The following GPC5 variants were observed in gnomAD, a reference collection of about 807,000 sequenced individuals.
GPC5 encodes the protein glypican 5, also known as glypican-5.
Under a neutral mutation model 53.9 loss-of-function variants are expected in GPC5, and 47 were observed. The observed-to-expected ratio is 0.87, with a 90% CI of 0.69 to 1.11. The LOEUF (loss-of-function observed/expected upper bound fraction) is 1.11. Ranked by LOEUF, GPC5 falls within the 50% of genes most tolerant of loss-of-function variation. The probability of loss-of-function intolerance (pLI) is 0.00; values close to 1 mark genes in which losing one functional copy is unlikely to be tolerated. For synonymous variants in GPC5, 286 were observed against 263.3 expected (o/e 1.09, Z -0.84); for missense variants, 748 against 713.1 (o/e 1.05, Z -0.56).
chr13:91,770,226 C>T (rs1212129278), intron 5 of GPC5, among the ~76,000 whole-genome samples: 1 of 152,192 alleles, frequency 6.6e-6, no homozygotes, highest in Non-Finnish European at 1.5e-5. Flanking sequence ...CAGGTCCTCT[C>T]TGGGCATGCC....
At chr13:91,762,236 G>T (rs1262276593) in intron 5 of GPC5, among the ~76,000 whole-genome samples, 1 of 151,680 alleles carries the variant, frequency 6.6e-6, no homozygotes, top group East Asian at 1.9e-4. Flanking sequence ...CTGAGAGTTT[G>T]TACTCTACCA....
intron 7 of GPC5, among the ~76,000 whole-genome samples, chr13:92,705,091 GATTAA>G (rs1231973075): frequency 6.6e-6 from 1 of 151,860 alleles, no homozygotes; most frequent in Admixed American, 6.6e-5. Flanking sequence ...GTGTTACTCT[GATTAA>G]ATTGAAAGCA....
At chr13:92,244,308 AC>A (rs1255648568) in intron 7 of GPC5, among the ~76,000 whole-genome samples, 2 of 152,148 alleles carry the variant, frequency 1.3e-5, no homozygotes, top group African/African-American at 4.8e-5. Flanking sequence ...AGAAGAGTAA[AC>A]TTTGCTAAAT....
intron 7 of GPC5, among the ~76,000 whole-genome samples, chr13:92,283,426 C>A (rs143964505): frequency 0.022 from 3,325 of 152,298 alleles, 57 homozygotes; most frequent in Non-Finnish European, 0.034. Flanking sequence ...CACCCCAAAT[C>A]AACAGAATAT....
chr13:92,007,955 C>G (rs1007866932), intron 6 of GPC5, among the ~76,000 whole-genome samples: 4 of 152,068 alleles, frequency 2.6e-5, no homozygotes, highest in African/African-American at 7.2e-5. Context: ...GGTGATTGTT[C>G]CCATAGCATT....
chr13:92,309,398 A>T (rs1398141260), intron 7 of GPC5, among the ~76,000 whole-genome samples: 1 of 152,052 alleles, frequency 6.6e-6, no homozygotes, highest in Admixed American at 6.5e-5. Flanking sequence ...CATATTAAAC[A>T]TATGGATTAT....
chr13:92,111,702 A>G (rs1353543288), intron 6 of GPC5, among the ~76,000 whole-genome samples: 1 of 152,214 alleles, frequency 6.6e-6, no homozygotes, highest in African/African-American at 2.4e-5. Flanking sequence ...CTTTTCCAAA[A>G]AAAAGGTGAT....
chr13:91,851,149 G>A (rs1354173963), intron 5 of GPC5, among the ~76,000 whole-genome samples: 2 of 152,104 alleles, frequency 1.3e-5, no homozygotes, highest in African/African-American at 2.4e-5. Context: ...ATGGAGATAA[G>A]TATTGTTTCT....
intron 3 of GPC5, among the ~76,000 whole-genome samples, chr13:91,710,647 G>A (rs1197081119): frequency 6.6e-6 from 1 of 152,116 alleles, no homozygotes; most frequent in Admixed American, 6.6e-5. Flanking sequence ...CTTCTCCACT[G>A]CATGTACTGT....
chr13:92,234,532 A>AT (rs1241600256), intron 7 of GPC5, among the ~76,000 whole-genome samples: 1 of 152,108 alleles, frequency 6.6e-6, no homozygotes, highest in African/African-American at 2.4e-5. Flanking sequence ...TTAGAGAGAG[A>AT]CACCAACAAT....
At chr13:92,747,118 G>A (rs1566398321) in intron 7 of GPC5, among the ~76,000 whole-genome samples, 2 of 152,142 alleles carry the variant, frequency 1.3e-5, no homozygotes, top group Non-Finnish European at 2.9e-5. Flanking sequence ...CCCATTGTTA[G>A]CCAAAGCGTC....
At chr13:92,317,755 C>A (rs1391783560) in intron 7 of GPC5, among the ~76,000 whole-genome samples, 2 of 152,172 alleles carry the variant, frequency 1.3e-5, no homozygotes, top group Non-Finnish European at 2.9e-5. Context: ...ACCGCCTCAG[C>A]CTCCCATAGT....
chr13:91,823,303 C>T (rs1422222456), intron 5 of GPC5, among the ~76,000 whole-genome samples: 3 of 152,048 alleles, frequency 2.0e-5, no homozygotes, highest in Non-Finnish European at 4.4e-5. Context: ...TATAGAGATT[C>T]CATAGATTTA....
At position 92,711,508 on chromosome 13, in the gene GPC5, C is replaced by T. The variant is rs572827505; in HGVS notation, c.1562-154774C>T. Among the ~76,000 whole-genome samples the T allele has an allele frequency of 2.6e-5, 4 of 152,134 alleles. No homozygotes were observed. In the East Asian group the frequency reaches 7.7e-4, roughly 29 times the overall value. Reference sequence around the variant, plus strand: ...GACAAACCTATAATTACAGTTGGAGCATTTAATATCTCTGTCTCACTAATC... The same window carrying T: ...GACAAACCTATAATTACAGTTGGAGTATTTAATATCTCTGTCTCACTAATC... On this transcript the variant is annotated intron_variant, in intron 7 of 7. Coordinates refer to ENST00000377067, the MANE Select transcript of GPC5 (RefSeq NM_004466.6).
chr13:91,547,223 T>C (rs905622843), intron 2 of GPC5, among the ~76,000 whole-genome samples: 4 of 152,068 alleles, frequency 2.6e-5, no homozygotes, highest in Non-Finnish European at 5.9e-5. Context: ...TTTAGCAATA[T>C]TGGTCTGGAA....
intron 7 of GPC5, among the ~76,000 whole-genome samples, chr13:92,392,309 C>G (rs1875043249): frequency 6.6e-6 from 1 of 152,032 alleles, no homozygotes; most frequent in Non-Finnish European, 1.5e-5. Flanking sequence ...GGAAAAGGCT[C>G]CCTATTCAAT....
intron 2 of GPC5, among the ~76,000 whole-genome samples, chr13:91,582,541 G>A (rs2032404860): frequency 6.6e-6 from 1 of 151,904 alleles, no homozygotes; most frequent in African/African-American, 2.4e-5. Context: ...ACACAAACTT[G>A]AAAAAAATGA....
intron 2 of GPC5, among the ~76,000 whole-genome samples, chr13:91,637,323 T>G (rs1490027969): frequency 6.6e-6 from 1 of 152,214 alleles, no homozygotes; most frequent in Non-Finnish European, 1.5e-5. Flanking sequence ...TTCAAATATC[T>G]CTTCCCCTAA....
At chr13:91,547,807 A>G (rs1343301814) in intron 2 of GPC5, among the ~76,000 whole-genome samples, 1 of 152,146 alleles carries the variant, frequency 6.6e-6, no homozygotes, top group Non-Finnish European at 1.5e-5. Context: ...TCAGGTATGC[A>G]CCGTTGGTTG....
Sources: gnomAD v4.1 joint callset for allele counts (sites outside exome capture counted in the v4.1 genomes callset) on GRCh38, gnomAD v4.1.1 for gene constraint, MANE v1.5 for transcripts, NCBI Gene and HGNC (gene_info 2026-07-23, HGNC 2026-07-21) for gene names.